ZNF536: variants seen among roughly 807,000 people sequenced by gnomAD.
ZNF536 encodes the protein zinc finger protein 536.
A neutral mutation model predicts 84.5 loss-of-function variants in ZNF536; 13 were observed. The ratio of observed to expected loss-of-function variants is 0.15; its 90% CI spans 0.10 to 0.24. The LOEUF (loss-of-function observed/expected upper bound fraction) is 0.24, where lower values mean the gene tolerates loss of function less well. Among genes scored for constraint, ZNF536 ranks in the 10% least tolerant of loss-of-function variants. The pLI, the probability that ZNF536 is intolerant of heterozygous loss-of-function variation, is 1.00. For missense variants in ZNF536, 1,536 were observed against 1,747.5 expected, an observed-to-expected ratio of 0.88 and a Z score of 2.16; for synonymous variants, 811 against 742.5, an observed-to-expected ratio of 1.09 and a Z score of -1.50.
At chr19:30,369,769 G>A (rs2048552029), upstream of ZNF536, among the ~76,000 whole-genome samples, 1 of 152,108 alleles carries the variant, frequency 6.6e-6, no homozygotes, top group Admixed American at 6.5e-5. Flanking sequence ...CAACTCAGGA[G>A]TTTCTTCAGT....
In ZNF536 at chr19:30,443,797, A is replaced by C. The variant is rs138195682; in HGVS notation, c.235A>C (p.Ser79Arg). ...HVPMSGQPMG[S>R]QMALLANQLG... ...GCCCATGAGCGGCCAGCCCATGGGC[A>C]GTCAGATGGCGCTCCTGGCCAACCA... is the stretch of plus-strand genomic sequence containing the variant. Residue 79 changes from serine (S) to arginine (R), a missense_variant, in exon 2 of 5, where the codon AGT becomes CGT. Physicochemically the swap from Ser to Arg is moderately radical, Grantham distance 110 (BLOSUM62 -1). Coordinates refer to ENST00000355537, the MANE Select transcript of ZNF536 (RefSeq NM_014717.3). 16 of 1,613,124 alleles carry C rather than the reference A, an allele frequency of 9.9e-6. No homozygotes were observed. The African/African-American group carries it at 2.0e-4, about 20-fold the overall frequency.
intron 2 of ZNF536, among the ~76,000 whole-genome samples, chr19:30,327,568 C>T (rs747212997): frequency 1.4e-4 from 22 of 152,162 alleles, no homozygotes; most frequent in African/African-American, 2.4e-4. Context: ...ATTTGCATGC[C>T]GTAATTGTTC....
intron 1 of ZNF536, among the ~76,000 whole-genome samples, chr19:30,704,423 G>C (rs1352035423): frequency 6.6e-6 from 1 of 151,976 alleles, no homozygotes; most frequent in African/African-American, 2.4e-5. Flanking sequence ...GAGGTGGGCG[G>C]ATCACCTGAG....
At chr19:30,521,029 C>T (rs2044300646) in intron 2 of ZNF536, among the ~76,000 whole-genome samples, 1 of 152,240 alleles carries the variant, frequency 6.6e-6, no homozygotes. Flanking sequence ...CCTCATGAAG[C>T]ACTCAGACCC....
At chr19:30,573,988 A>G (rs576517374) in intron 1 of ZNF536, among the ~76,000 whole-genome samples, 1 of 152,286 alleles carries the variant, frequency 6.6e-6, no homozygotes, top group African/African-American at 2.4e-5. Flanking sequence ...TGTCAGGGAA[A>G]ACTGCTTTCA....
At chr19:30,620,029 CT>C (rs35581619) in intron 1 of ZNF536, among the ~76,000 whole-genome samples, 102,675 of 134,968 alleles carry the variant, frequency 0.76, 38,952 homozygotes, top group East Asian at 0.95. Flanking sequence ...TTCCTCTATG[CT>C]TTTTTTTTTT....
chr19:30,292,239 CTGTG>C (rs1298087445), intron 2 of ZNF536, among the ~76,000 whole-genome samples: 1 of 152,088 alleles, frequency 6.6e-6, no homozygotes, highest in Non-Finnish European at 1.5e-5. Context: ...ATGTACCTGT[CTGTG>C]TGACTCCAAA....
chr19:30,662,968 T>TC (rs1169693747), intron 1 of ZNF536, among the ~76,000 whole-genome samples: 6 of 147,684 alleles, frequency 4.1e-5, no homozygotes, highest in African/African-American at 1.5e-4. Flanking sequence ...GTTTCTTTTT[T>TC]TTTTTTTTTT....
intron 1 of ZNF536, among the ~76,000 whole-genome samples, chr19:30,628,260 C>T (rs997611248): frequency 6.6e-6 from 1 of 152,176 alleles, no homozygotes; most frequent in Admixed American, 6.5e-5. Context: ...CCAGTCACAG[C>T]CGCCTGCTAC....
chr19:30,676,089 G>A (rs1186267182), intron 1 of ZNF536, among the ~76,000 whole-genome samples: 1 of 152,048 alleles, frequency 6.6e-6, no homozygotes, highest in African/African-American at 2.4e-5. Context: ...TTGAACTCCC[G>A]GGGTCAAGAG....
intron 2 of ZNF536, among the ~76,000 whole-genome samples, chr19:30,331,173 G>T (rs1273563641): frequency 1.3e-5 from 2 of 150,744 alleles, no homozygotes; most frequent in African/African-American, 2.4e-5. Flanking sequence ...GGTCTCAGCT[G>T]CTTGGGAGGC....
In ZNF536 at chr19:30,504,989, T is replaced by C. The variant is rs570171544; in HGVS notation, c.2171-29858T>C. On this transcript the variant is annotated intron_variant, in intron 2 of 4. Transcript: ENST00000355537. ...TTCAAAAGTTGTTTTGGTTTACTGA[T>C]AGATTGATTTGCTCCTCCAACCCAA... Among the ~76,000 whole-genome samples the C allele has an allele frequency of 7.9e-5, 12 of 152,244 alleles. No homozygotes were observed. The South Asian group carries it at 1.9e-3, about 24-fold the overall frequency.
At chr19:30,456,264 G>T (rs2052835274) in intron 2 of ZNF536, among the ~76,000 whole-genome samples, 1 of 148,844 alleles carries the variant, frequency 6.7e-6, no homozygotes, top group Non-Finnish European at 1.5e-5. Flanking sequence ...CTATAAAATG[G>T]TTTAGCCAAT....
chr19:30,417,819 G>A (rs1050802185), intron 1 of ZNF536, among the ~76,000 whole-genome samples: 2 of 152,072 alleles, frequency 1.3e-5, no homozygotes, highest in Non-Finnish European at 2.9e-5. Flanking sequence ...GATTGTAGTG[G>A]CACAATCATT....
intron 1 of ZNF536, among the ~76,000 whole-genome samples, chr19:30,255,827 C>T (rs77628551): frequency 0.015 from 2,265 of 152,242 alleles, 52 homozygotes; most frequent in African/African-American, 0.052. Flanking sequence ...AGAATATGTG[C>T]GCTTGGTTTA....
intron 1 of ZNF536, among the ~76,000 whole-genome samples, chr19:30,669,892 A>G (rs981862137): frequency 2.0e-5 from 3 of 152,194 alleles, no homozygotes; most frequent in African/African-American, 7.2e-5. Flanking sequence ...GCTAGGCTGG[A>G]GGAGTTCTAT....
intron 1 of ZNF536, among the ~76,000 whole-genome samples, chr19:30,584,468 A>G (rs1183024838): frequency 6.6e-6 from 1 of 152,190 alleles, no homozygotes; most frequent in African/African-American, 2.4e-5. Context: ...CTGCGGTGCT[A>G]CAGCACTCCT....
intron 1 of ZNF536, among the ~76,000 whole-genome samples, chr19:30,633,319 G>A (rs775930159): frequency 7.2e-5 from 11 of 152,064 alleles, no homozygotes; most frequent in Non-Finnish European, 1.3e-4. Flanking sequence ...ATAATTATGA[G>A]GTACAAAGAG....
rs143763523 is a variant in ZNF536 at position 30,235,983 on chromosome 19, A to G, written c.-190+7310A>G. 2.7e-4 allele frequency among the ~76,000 whole-genome samples: 41 copies of G among 152,378 alleles called. No individual in the cohort carries two copies. In the East Asian group the frequency reaches 7.5e-3, roughly 28 times the overall value. On this transcript the variant is annotated intron_variant, in intron 1 of 5. Coordinates refer to the ZNF536 transcript ENST00000585628. ...AAACTCAGTGCATGGATTCCACAGC[A>G]TCAGAGAAACTTTATTCCCCAACGT...
Sources: gnomAD v4.1 joint callset for allele counts (sites outside exome capture counted in the v4.1 genomes callset) on GRCh38, gnomAD v4.1.1 for gene constraint, MANE v1.5 for transcripts, NCBI Gene and HGNC (gene_info 2026-07-23, HGNC 2026-07-21) for gene names.